Variants in ANKRD27 observed in about 807,000 individuals in gnomAD.
The protein encoded by ANKRD27 is ankyrin repeat domain 27, also known as ankyrin repeat domain-containing protein 27.
A neutral mutation model predicts 129.7 loss-of-function variants in ANKRD27; 112 were observed. The ratio of observed to expected loss-of-function variants is 0.86; its 90% CI spans 0.74 to 1.01. The LOEUF (loss-of-function observed/expected upper bound fraction) is 1.01, where lower values mean the gene tolerates loss of function less well. ANKRD27 is among the 50% of genes least tolerant of loss of function. ANKRD27 has a pLI of 0.00. For synonymous variants in ANKRD27, 516 were observed against 511.2 expected (o/e 1.01, Z -0.13); for missense variants, 1,258 against 1,300.5 (o/e 0.97, Z 0.50).
chr19:32,668,077 T>C (rs1312219873), intron 1 of ANKRD27, among the ~76,000 whole-genome samples: 1 of 152,152 alleles, frequency 6.6e-6, no homozygotes, highest in Non-Finnish European at 1.5e-5. Context: ...GAACTAATGG[T>C]AAAAATAGCC....
rs1967154016 is a variant in ANKRD27 at position 32,639,469 on chromosome 19, T to C, written c.1003A>G (p.Ile335Val). 1 of 1,613,218 alleles carries C rather than the reference T, an allele frequency of 6.2e-7. No individual in the cohort carries two copies. Among genetic ancestry groups the C allele is most frequent in the African/African-American group, 1.3e-5 (1 of 74,900 alleles). ...IPNWMANLSY[I>V]KNFRFSSLAK... ...AAGCTGCTAAACCTGAAGTTTTTGA[T>C]GTAACTCAAATTTGCCATCCTAATG... Residue 335 changes from isoleucine to valine, a missense_variant, in exon 12 of 29, where the codon ATC becomes GTC. Ile to Val is a conservative substitution (Grantham distance 29). Transcript: ENST00000306065.
chr19:32,667,215 G>A (rs1967776847), intron 1 of ANKRD27, among the ~76,000 whole-genome samples: 5 of 152,242 alleles, frequency 3.3e-5, no homozygotes, highest in Admixed American at 2.6e-4. Context: ...GCAGCTCCTA[G>A]GTAACATGCT....
Position 32,598,250 on chromosome 19 carries a change from T to C in ANKRD27, c.3048A>G (p.Arg1016=). Residue 1016 remains arginine, a synonymous_variant, in exon 29 of 29, where the codon AGA becomes AGG. Coordinates refer to ENST00000306065, the MANE Select transcript of ANKRD27 (RefSeq NM_032139.3). ...CTACCGTGTGTCTCCGCAGCATCCG[T>C]CTGTGTCCAGGGCCAGTCTGTGTCA... ...PGLTQTGPGH[R]RMLRRHTVED... is the part of the protein sequence containing the mutation. The C allele has an allele frequency of 6.2e-7, 1 of 1,614,138 alleles. No homozygotes were observed.
chr19:32,619,220 CA>C, intron 20 of ANKRD27, 39 bp downstream of exon 20: 1 of 1,593,590 alleles, frequency 6.3e-7, no homozygotes. Context: ...CCAGGGCCGC[CA>C]AGGCCTCCCC....
intron 12 of ANKRD27, among the ~76,000 whole-genome samples, chr19:32,633,012 C>T (rs999883605): frequency 1.3e-5 from 2 of 152,192 alleles, no homozygotes; most frequent in African/African-American, 4.8e-5. Context: ...ATATAAAGCT[C>T]TAACAATCCA....
At chr19:32,657,942 T>C (rs921938589) in intron 2 of ANKRD27, among the ~76,000 whole-genome samples, 3 of 151,702 alleles carry the variant, frequency 2.0e-5, no homozygotes, top group African/African-American at 7.3e-5. Flanking sequence ...GCCACCACAC[T>C]CCAGCCTGGG....
In ANKRD27 at chr19:32,598,072, A is replaced by G; in HGVS notation, c.*73T>C. The G allele has an allele frequency of 7.3e-7, 1 of 1,373,614 alleles. No homozygotes were observed. The allele number at this position is 1,373,614 out of a possible 1,614,324, so 85.1% of individuals were successfully genotyped here. The stretch of plus-strand genomic sequence containing the variant: ...TCATGGAAGCACATTTAGTTCTCAG[A>G]TGTGTTCACGCTCAGCATCATCTTG... On this transcript the variant is annotated 3_prime_UTR_variant, in exon 29 of 29. Coordinates refer to ENST00000306065, the MANE Select transcript of ANKRD27 (RefSeq NM_032139.3).
Position 32,659,007 on chromosome 19 carries a change from C to A in ANKRD27, c.9G>T (p.Leu3=), listed in dbSNP as rs764289425. Residue 3 remains leucine (L), a synonymous_variant, in exon 2 of 29, where the codon CTG becomes CTT. Coordinates refer to ENST00000306065, the MANE Select transcript of ANKRD27 (RefSeq NM_032139.3). The part of the protein sequence containing the change: MA[L]YDEDLLKNPF... ...GATTTTTCAGGAGGTCTTCATCATA[C>A]AGAGCCATATGGACTTCAGATGGGT... The A allele has an allele frequency of 1.2e-6, 2 of 1,613,664 alleles. No homozygotes were observed. The highest frequency in any genetic ancestry group is 1.6e-4 in the Middle Eastern group (1 of 6,062).
At chr19:32,668,137 C>T (rs915071945) in intron 1 of ANKRD27, among the ~76,000 whole-genome samples, 1 of 152,080 alleles carries the variant, frequency 6.6e-6, no homozygotes, top group Non-Finnish European at 1.5e-5. Flanking sequence ...TTCTATACAT[C>T]CTCATCTTTA....
intron 1 of ANKRD27, chr19:32,673,312 C>T (rs964061994): frequency 1.6e-5 from 16 of 985,750 alleles, no homozygotes; most frequent in Admixed American, 1.2e-4. Context: ...TCTGCTCCTG[C>T]TCCCATCCTG....
In ANKRD27 at chr19:32,643,905, C is replaced by T. The variant is rs1489045164; in HGVS notation, c.526-274G>A. The T allele has an allele frequency of 1.6e-5, 8 of 510,884 alleles. No homozygotes were observed. In the Admixed American group the frequency reaches 2.3e-4, roughly 15 times the overall value. The allele number at this position is 510,884 out of a possible 1,614,324, so 31.6% of individuals were successfully genotyped here. On this transcript the variant is annotated intron_variant, in intron 5 of 28. Transcript: ENST00000306065. ...TTTTTCTTTTTAAGAGACAGGGTCTCACTTTGTTGCCCAGAGTAGAGTGCA... is the reference window on the plus strand; with the variant it reads ...TTTTTCTTTTTAAGAGACAGGGTCTTACTTTGTTGCCCAGAGTAGAGTGCA...
At chr19:32,669,857 C>T (rs1967832317) in intron 1 of ANKRD27, among the ~76,000 whole-genome samples, 3 of 151,772 alleles carry the variant, frequency 2.0e-5, no homozygotes, top group African/African-American at 4.8e-5. Flanking sequence ...ATTAGCTGGG[C>T]GTGGTGATGG....
intron 18 of ANKRD27, among the ~76,000 whole-genome samples, chr19:32,621,010 T>C (rs905156822): frequency 6.6e-6 from 1 of 152,134 alleles, no homozygotes; most frequent in Non-Finnish European, 1.5e-5. Context: ...CTCATCAAGT[T>C]GTATACACTG....
At chr19:32,633,661 A>C (rs1162492802) in intron 12 of ANKRD27, among the ~76,000 whole-genome samples, 1 of 151,692 alleles carries the variant, frequency 6.6e-6, no homozygotes, top group East Asian at 1.9e-4. Flanking sequence ...TTCATTCACA[A>C]AGGTAACTCT....
chr19:32,654,515 C>G (rs1967482427), intron 2 of ANKRD27, among the ~76,000 whole-genome samples: 1 of 152,156 alleles, frequency 6.6e-6, no homozygotes, highest in Non-Finnish European at 1.5e-5. Flanking sequence ...TAGAGCACAA[C>G]TGCGGACTGG....
chr19:32,623,229 G>A (rs1233088025), intron 17 of ANKRD27, among the ~76,000 whole-genome samples: 1 of 152,210 alleles, frequency 6.6e-6, no homozygotes, highest in Non-Finnish European at 1.5e-5. Flanking sequence ...CTGCTTGCAA[G>A]ACTGCCTGTT....
intron 1 of ANKRD27, among the ~76,000 whole-genome samples, chr19:32,664,117 TTAA>T (rs1275725320): frequency 2.0e-5 from 3 of 151,714 alleles, no homozygotes; most frequent in Admixed American, 1.3e-4. Flanking sequence ...ATATTTTATC[TTAA>T]TATATCCAAA....
intron 8 of ANKRD27, 28 bp from the exon 9 acceptor site, chr19:32,643,227 A>G: frequency 6.2e-7 from 1 of 1,614,080 alleles, no homozygotes; most frequent in Non-Finnish European, 8.5e-7. Flanking sequence ...CGAACCTTCA[A>G]ATTTCTCAAA....
intron 1 of ANKRD27, among the ~76,000 whole-genome samples, chr19:32,659,707 G>A (rs1242158395): frequency 6.6e-6 from 1 of 151,974 alleles, no homozygotes; most frequent in East Asian, 1.9e-4. Context: ...CAGAATTAAG[G>A]AATCGTCACA....
Sources: allele counts gnomAD v4.1 joint callset (sites outside exome capture counted in the v4.1 genomes callset), GRCh38; gene constraint gnomAD v4.1.1; transcripts MANE v1.5; gene names NCBI Gene and HGNC (gene_info 2026-07-23, HGNC 2026-07-21).